Variants in TESK2 observed in about 807,000 individuals in gnomAD.
TESK2 encodes dual specificity testis-specific protein kinase 2.
TESK2 carries 39 observed loss-of-function variants against 57.1 expected under a neutral mutation model. The ratio of observed to expected loss-of-function variants is 0.68; its 90% CI spans 0.53 to 0.89. TESK2 has a LOEUF of 0.89. TESK2 is among the 40% of genes least tolerant of loss of function. The pLI, the probability that TESK2 is intolerant of heterozygous loss-of-function variation, is 0.00. For synonymous variants in TESK2, 249 were observed against 267.9 expected (o/e 0.93, Z 0.69); for missense variants, 646 against 732.1 (o/e 0.88, Z 1.36).
intron 5 of TESK2, among the ~76,000 whole-genome samples, chr1:45,353,913 C>G (rs1211284122): frequency 6.6e-6 from 1 of 152,184 alleles, no homozygotes; most frequent in African/African-American, 2.4e-5. Context: ...CAGAGATCAG[C>G]TGATGCCAAA....
intron 2 of TESK2, among the ~76,000 whole-genome samples, chr1:45,456,098 T>G (rs988308316): frequency 6.6e-6 from 1 of 151,484 alleles, no homozygotes; most frequent in Admixed American, 6.6e-5. Flanking sequence ...GAGGCTGAGG[T>G]GGGGGGATCA....
chr1:45,398,583 T>C (rs1184688667), intron 3 of TESK2: 3 of 156,110 alleles, frequency 1.9e-5, no homozygotes, highest in African/African-American at 7.2e-5. Context: ...AAACCTCTAC[T>C]GGAGCATTTA....
intron 3 of TESK2, among the ~76,000 whole-genome samples, chr1:45,415,933 T>C (rs1650220643): frequency 6.6e-6 from 1 of 151,994 alleles, no homozygotes; most frequent in Admixed American, 6.6e-5. Context: ...TAAAACACTA[T>C]GAGATTTTTT....
chr1:45,385,774 G>A, intron 4 of TESK2, 138 bp downstream of exon 4: 1 of 340,612 alleles, frequency 2.9e-6, no homozygotes. Flanking sequence ...ACAGAATAAA[G>A]CATTATTAAC....
Position 45,343,929 on chromosome 1 carries a change from A to G in TESK2, c.*911T>C, listed in dbSNP as rs1176463384. ...TTTTAAGTCTGAAAATGTCTTGGGA[A>G]AGTTTTACAAAAAAAAAAATCAACA... On this transcript the variant is annotated 3_prime_UTR_variant, in exon 11 of 11. Transcript: ENST00000372086. This position sits in a 1 kb window ranked among gnomAD's most constrained non-coding sequence, Gnocchi z 4.3. 6.8e-6 allele frequency: 3 copies of G among 442,062 alleles called. No homozygotes were observed. The highest frequency in any genetic ancestry group is 5.8e-5 in the African/African-American group (3 of 51,486). 27.4% of individuals were successfully genotyped at this position (442,062 alleles called of 1,614,324 possible). A position where few individuals can be genotyped will look rare whatever the true frequency, so the allele number is the denominator to read the frequency against.
intron 5 of TESK2, among the ~76,000 whole-genome samples, chr1:45,352,790 C>G (rs147124690): frequency 1.3e-5 from 2 of 152,104 alleles, no homozygotes; most frequent in Non-Finnish European, 2.9e-5. Flanking sequence ...TTGTCACAAA[C>G]TCCTTCTATC....
intron 3 of TESK2, 124 bp downstream of exon 3, chr1:45,421,601 C>T (rs1038406412): frequency 1.5e-6 from 2 of 1,377,744 alleles, no homozygotes; most frequent in African/African-American, 2.9e-5. Flanking sequence ...TACCACTAAA[C>T]CCCAGCAAGA....
intron 5 of TESK2, among the ~76,000 whole-genome samples, chr1:45,348,415 C>A (rs1182648663): frequency 6.6e-6 from 1 of 152,232 alleles, no homozygotes; most frequent in Non-Finnish European, 1.5e-5. Flanking sequence ...CCAGGCCTGA[C>A]CTTGCCAACT....
rs549199948 is a variant in TESK2, at chr1:45,489,394, C to A, written c.-87+1458G>T. 3.3e-5 allele frequency among the ~76,000 whole-genome samples: 5 copies of A among 152,252 alleles called. No homozygotes were observed. In the East Asian group the frequency reaches 9.6e-4, roughly 29 times the overall value. ...TTCCATACTAAGGCACACAAATATC[C>A]CCCATATATTCTCTTGACCCTCCAA... On this transcript the variant is annotated intron_variant, in intron 1 of 10. Transcript: ENST00000372086.
intron 3 of TESK2, among the ~76,000 whole-genome samples, chr1:45,386,934 G>A (rs974046919): frequency 2.0e-5 from 3 of 152,098 alleles, no homozygotes; most frequent in Non-Finnish European, 4.4e-5. Flanking sequence ...TTACAGGCGT[G>A]AGCCACCGCA....
chr1:45,345,808 G>A (rs771789558), intron 10 of TESK2, 69 bp downstream of exon 10: 2 of 1,293,804 alleles, frequency 1.5e-6, no homozygotes, highest in Admixed American at 1.7e-5. Context: ...ACAACCCTAA[G>A]AGGAGAAGGC....
intron 10 of TESK2, 151 bp from the exon 11 acceptor site, chr1:45,345,709 T>G (rs1647132475): frequency 3.2e-6 from 3 of 932,640 alleles, no homozygotes; most frequent in Non-Finnish European, 4.9e-6. Flanking sequence ...GGAAGCAGTA[T>G]GCCAAGCCAC....
rs566363776 is a variant in TESK2, at chr1:45,452,032, C to CA, written c.222+5531dup. ...TGGGAGACAGAACAAGACTCCGTCTCAAAAAAAAAAAAAAATTTATTTGGT... is the reference window on the plus strand; with the variant it reads ...TGGGAGACAGAACAAGACTCCGTCTCAAAAAAAAAAAAAAAATTTATTTGGT... On this transcript the variant is annotated intron_variant, in intron 2 of 10. Transcript: ENST00000372086. 9.6e-4 allele frequency among the ~76,000 whole-genome samples: 100 copies of CA among 103,784 alleles called. 2 individuals carry two copies. Among genetic ancestry groups the CA allele is most frequent in the South Asian group, 1.8e-3 (6 of 3,326 alleles). 68.1% of individuals were successfully genotyped at this position (103,784 alleles called of 152,430 possible).
intron 2 of TESK2, among the ~76,000 whole-genome samples, chr1:45,446,180 T>C (rs1651642405): frequency 6.6e-6 from 1 of 151,730 alleles, no homozygotes; most frequent in African/African-American, 2.4e-5. Flanking sequence ...TTTTTTTTTT[T>C]TTAGACAGGG....
chr1:45,417,886 C>T (rs1386299620), intron 3 of TESK2, among the ~76,000 whole-genome samples: 2 of 152,254 alleles, frequency 1.3e-5, no homozygotes, highest in Admixed American at 6.5e-5. Flanking sequence ...CCACCGTACC[C>T]AGCATACATT....
intron 1 of TESK2, among the ~76,000 whole-genome samples, chr1:45,473,721 TTAAAA>T (rs1652862777): frequency 6.6e-6 from 1 of 152,102 alleles, no homozygotes. Context: ...GAATTAACAG[TTAAAA>T]TAACCAAATG....
chr1:45,462,234 C>T (rs941170891), intron 1 of TESK2, among the ~76,000 whole-genome samples: 2 of 152,112 alleles, frequency 1.3e-5, no homozygotes, highest in African/African-American at 4.8e-5. Flanking sequence ...AACATGATGT[C>T]CTCAAGTTCC....
intron 1 of TESK2, among the ~76,000 whole-genome samples, chr1:45,470,853 T>C (rs1652733038): frequency 6.6e-6 from 1 of 152,164 alleles, no homozygotes; most frequent in Admixed American, 6.5e-5. Context: ...ATAACAGTCC[T>C]ATAAAATAGA....
At chr1:45,398,190 G>A (rs1016391201) in intron 3 of TESK2, among the ~76,000 whole-genome samples, 1 of 151,972 alleles carries the variant, frequency 6.6e-6, no homozygotes, top group Non-Finnish European at 1.5e-5. Flanking sequence ...ATTACAGGTG[G>A]GAGCCACTGT....
Sources: gnomAD v4.1 joint callset for allele counts (sites outside exome capture counted in the v4.1 genomes callset) on GRCh38, gnomAD v4.1.1 for gene constraint, Gnocchi (gnomAD v3.1) non-coding constraint, MANE v1.5 for transcripts, NCBI Gene and HGNC (gene_info 2026-07-23, HGNC 2026-07-21) for gene names.